DTX2: variants seen among roughly 807,000 people sequenced by gnomAD.
The protein encoded by DTX2 is deltex E3 ubiquitin ligase 2, also known as probable E3 ubiquitin-protein ligase DTX2.
DTX2 carries 29 observed loss-of-function variants against 55.3 expected under a neutral mutation model. That is an observed-to-expected ratio of 0.52 (90% CI 0.39 to 0.71). DTX2 has a LOEUF of 0.71. Among genes scored for constraint, DTX2 ranks in the 30% least tolerant of loss-of-function variants. DTX2 has a pLI of 0.00. For synonymous variants in DTX2, 276 were observed against 340.4 expected (o/e 0.81, Z 2.08); for missense variants, 537 against 822.5 (o/e 0.65, Z 4.25).
chr7:76,493,690 G>A (rs932998892), intron 5 of DTX2, among the ~76,000 whole-genome samples: 1 of 130,908 alleles, frequency 7.6e-6, no homozygotes, highest in Non-Finnish European at 1.7e-5. Flanking sequence ...AGGGCGGCTG[G>A]TGCAGAGCCT....
chr7:76,499,573 C>T (rs1811404801), intron 6 of DTX2, among the ~76,000 whole-genome samples: 1 of 149,990 alleles, frequency 6.7e-6, no homozygotes, highest in Non-Finnish European at 1.5e-5. Flanking sequence ...GGTGGAGCCC[C>T]TGTCAGGAGC....
intron 2 of DTX2, among the ~76,000 whole-genome samples, chr7:76,469,474 C>T (rs1279965064): frequency 6.8e-6 from 1 of 146,684 alleles, no homozygotes; most frequent in African/African-American, 2.6e-5. Context: ...CTCACTGCAA[C>T]CTCCACTTCT....
chr7:76,471,531 T>C (rs1807921962), intron 2 of DTX2, among the ~76,000 whole-genome samples: 1 of 149,564 alleles, frequency 6.7e-6, no homozygotes, highest in Admixed American at 6.6e-5. Context: ...TTGGCTGTTA[T>C]TTATTTTTTT....
chr7:76,499,976 C>T (rs1811458560), intron 6 of DTX2: 1 of 363,254 alleles, frequency 2.8e-6, no homozygotes, highest in Non-Finnish European at 5.5e-6. Flanking sequence ...GCTGCCTGTA[C>T]ATGCTGGACC....
intron 2 of DTX2, among the ~76,000 whole-genome samples, chr7:76,464,331 G>A (rs1396853073): frequency 6.6e-6 from 1 of 150,556 alleles, no homozygotes; most frequent in Non-Finnish European, 1.5e-5. Flanking sequence ...TGTAATAGAG[G>A]AGGCTGGAAA....
chr7:76,480,222 T>C (rs1326290749), intron 2 of DTX2, among the ~76,000 whole-genome samples, 199 bp from the exon 3 acceptor site: 1 of 147,884 alleles, frequency 6.8e-6, no homozygotes, highest in Non-Finnish European at 1.5e-5. Flanking sequence ...TGAGGATTGC[T>C]TGAGACCAGG....
In DTX2 at chr7:76,505,548, CTGGCTGAGCTGGCTGCCCAGGGGG is replaced by C; in HGVS notation, c.1819_1842del (p.Ala607_Val614del). 6.2e-7 allele frequency: 1 copy of C among 1,604,622 alleles called. No individual in the cohort carries two copies. Among genetic ancestry groups the C allele is most frequent in the South Asian group, 1.1e-5 (1 of 89,650 alleles). ...CGACCCCAACTACCTGCAGAACGTG[CTGGCTGAGCTGGCTGCCCAGGGGG>C]TGACCGAGGACTGCCTGGAGCAGCA... On this transcript the variant is annotated inframe_deletion, in exon 11 of 11. Coordinates refer to ENST00000430490, the MANE Select transcript of DTX2 (RefSeq NM_001102594.3). The surrounding 1 kb of genome is among the most constrained non-coding windows in gnomAD (Gnocchi z 4.4).
At position 76,482,752 on chromosome 7, in the gene DTX2, C is replaced by A; in HGVS notation, c.513C>A (p.Ser171Arg). The part of the protein sequence containing the change: ...QTNKTSSFCR[S>R]VRRQAGPPYP... ...ACAAGACTTCCAGCTTCTGCCGCAGCGTGCGGCGCCAAGCAGGGCCGCCTT... is the reference window on the plus strand; with the variant it reads ...ACAAGACTTCCAGCTTCTGCCGCAGAGTGCGGCGCCAAGCAGGGCCGCCTT... The change falls in exon 4 of 11, where the codon AGC (serine) becomes AGA (arginine). Residue 171 changes from serine to arginine, a missense_variant. This residue lies in a region of DTX2 where 301 missense variants were observed against 396.6 expected (regional missense o/e 0.76). Transcript: ENST00000430490. 6.2e-7 allele frequency: 1 copy of A among 1,613,876 alleles called. No homozygotes were observed. The highest frequency in any genetic ancestry group is 8.5e-7 in the Non-Finnish European group (1 of 1,179,816).
At position 76,505,493 on chromosome 7, in the gene DTX2, G is replaced by A. The variant is rs755336068; in HGVS notation, c.1761G>A (p.Met587Ile). 2 of 1,609,948 alleles carry A rather than the reference G, an allele frequency of 1.2e-6. No homozygotes were observed. Among genetic ancestry groups the A allele is most frequent in the Non-Finnish European group, 1.7e-6 (2 of 1,178,332 alleles). ...VWNEIHHKTE[M>I]DRNITGHGYP... ...ACGAGATCCACCACAAGACAGAGAT[G>A]GACCGCAACATTACGGGCCACGGCT... Residue 587 changes from methionine (M) to isoleucine (I), a missense_variant, in exon 11 of 11, where the codon ATG becomes ATA. This residue lies in a region of DTX2 where 59 missense variants were observed against 54.1 expected (regional missense o/e 1.09). Coordinates refer to ENST00000430490, the MANE Select transcript of DTX2 (RefSeq NM_001102594.3). The surrounding 1 kb of genome is among the most constrained non-coding windows in gnomAD (Gnocchi z 4.4).
intron 2 of DTX2, chr7:76,471,157 T>G: frequency 1.1e-4 from 10 of 90,864 alleles, no homozygotes; most frequent in African/African-American, 3.2e-4. Flanking sequence ...CCATTCGTTC[T>G]TTTTTTTTTT....
intron 2 of DTX2, among the ~76,000 whole-genome samples, chr7:76,479,584 A>G (rs1490943578): frequency 9.4e-6 from 1 of 106,020 alleles, no homozygotes; most frequent in African/African-American, 4.1e-5. Flanking sequence ...GTTTGAGACC[A>G]GCCTGGCCAA....
intron 9 of DTX2, among the ~76,000 whole-genome samples, 155 bp downstream of exon 9, chr7:76,503,742 A>C (rs962143743): frequency 6.7e-6 from 1 of 149,802 alleles, no homozygotes; most frequent in African/African-American, 2.4e-5. Context: ...AGGGCCGGGA[A>C]TGGGGAGGCA....
chr7:76,501,372 C>G, intron 7 of DTX2: 1 of 440,742 alleles, frequency 2.3e-6, no homozygotes, highest in East Asian at 7.0e-5. Flanking sequence ...CACATTCCCG[C>G]CTGCCCAGCG....
intron 10 of DTX2, among the ~76,000 whole-genome samples, chr7:76,504,868 A>G (rs1812166368): frequency 6.6e-6 from 1 of 152,066 alleles, no homozygotes; most frequent in Non-Finnish European, 1.5e-5. Context: ...GTGTGAAGAC[A>G]GGGTGCCCCC....
rs534235924 is a variant in DTX2 at position 76,490,146 on chromosome 7, C to T, written c.909-2007C>T. On this transcript the variant is annotated intron_variant, in intron 4 of 10. Coordinates refer to ENST00000430490, the MANE Select transcript of DTX2 (RefSeq NM_001102594.3). ...ATCAAGACCATCCTGGGCAACATAG[C>T]GAAACCCCGTCTCTACTAAAAATAC... is the stretch of plus-strand genomic sequence containing the variant. Among the ~76,000 whole-genome samples, 17 of 84,086 alleles carry T rather than the reference C, an allele frequency of 2.0e-4. 5 individuals are homozygous for T. In the South Asian group the frequency reaches 5.4e-3, roughly 27 times the overall value. 55.2% of individuals were successfully genotyped at this position (84,086 alleles called of 152,430 possible).
Position 76,483,261 on chromosome 7 carries a change from G to A in DTX2, c.908+114G>A, listed in dbSNP as rs1809530988. ...CCTGCCCCCTAGGTGGTCCTGCCGT[G>A]GCATCTCATTTGCATGTGGCATGTG... On this transcript the variant is annotated intron_variant, in intron 4 of 10. Coordinates refer to ENST00000430490, the MANE Select transcript of DTX2 (RefSeq NM_001102594.3). 245 of 1,296,672 alleles carry A rather than the reference G, an allele frequency of 1.9e-4. 4 individuals carry two copies. In the South Asian group the frequency reaches 3.6e-3, roughly 19 times the overall value. 80.3% of individuals were successfully genotyped at this position (1,296,672 alleles called of 1,614,324 possible).
intron 1 of DTX2, 47 bp downstream of exon 1, chr7:76,461,883 CAGGGGCGCGG>C (rs1479692366): frequency 1.3e-5 from 2 of 153,880 alleles, no homozygotes; most frequent in Non-Finnish European, 2.9e-5. Flanking sequence ...GCTGCGGTCC[CAGGGGCGCGG>C]GGTGGCGCGG....
chr7:76,468,226 C>T (rs1208552906), intron 2 of DTX2, among the ~76,000 whole-genome samples: 1 of 152,202 alleles, frequency 6.6e-6, no homozygotes, highest in Non-Finnish European at 1.5e-5. Context: ...CTGTATTTCA[C>T]CCTTAGGTGT....
chr7:76,493,804 G>T (rs1212334785), intron 5 of DTX2, among the ~76,000 whole-genome samples: 1 of 138,576 alleles, frequency 7.2e-6, no homozygotes, highest in Non-Finnish European at 1.6e-5. Context: ...GCCGTCAGGC[G>T]GGGGGTTGTG....
Sources: gnomAD v4.1 joint callset for allele counts (sites outside exome capture counted in the v4.1 genomes callset) on GRCh38, gnomAD v4.1.1 for gene constraint, gnomAD v4.1.1 regional missense constraint, Gnocchi (gnomAD v3.1) non-coding constraint, MANE v1.5 for transcripts, NCBI Gene and HGNC (gene_info 2026-07-23, HGNC 2026-07-21) for gene names.